GPATCH2L: variants seen among roughly 807,000 people sequenced by gnomAD.
GPATCH2L encodes G patch domain-containing protein 2-like.
GPATCH2L carries 31 observed loss-of-function variants against 57.4 expected under a neutral mutation model. The ratio of observed to expected loss-of-function variants is 0.54; its 90% CI spans 0.41 to 0.73. The LOEUF (loss-of-function observed/expected upper bound fraction) is 0.73, where lower values mean the gene tolerates loss of function less well. Ranked by LOEUF, GPATCH2L falls within the 30% of genes least tolerant of loss-of-function variation. The pLI is 0.00. For missense variants in GPATCH2L, 481 were observed against 599.9 expected, an observed-to-expected ratio of 0.80 and a Z score of 2.07; for synonymous variants, 199 against 210.7, an observed-to-expected ratio of 0.94 and a Z score of 0.48.
At chr14:76,162,205 T>G (rs562118670) in intron 2 of GPATCH2L, among the ~76,000 whole-genome samples, 29 of 152,174 alleles carry the variant, frequency 1.9e-4, no homozygotes, top group Non-Finnish European at 2.9e-4. Context: ...GGCTGAAGGA[T>G]TTGCTTCCAA....
At chr14:76,152,942 T>G in intron 1 of GPATCH2L, 1 of 353,052 alleles carries the variant, frequency 2.8e-6, no homozygotes, top group Non-Finnish European at 5.5e-6. Context: ...TAATCCACTT[T>G]TTTTTTTCCC....
At chr14:76,196,219 G>A (rs2139805566) in intron 9 of GPATCH2L, 2 of 629,700 alleles carry the variant, frequency 3.2e-6, no homozygotes, top group East Asian at 2.7e-5. Context: ...GCAATCTCCA[G>A]TCATCTGAGC....
chr14:76,202,007 C>A lies in GPATCH2L; in HGVS notation c.*156C>A. ...AAACACAGCAGTGGATTCTTTCTCTCAGAAGATCATGTTGTGGGAATCTTT... is the reference window on the plus strand; with the variant it reads ...AAACACAGCAGTGGATTCTTTCTCTAAGAAGATCATGTTGTGGGAATCTTT... On this transcript the variant is annotated 3_prime_UTR_variant, in exon 10 of 10. Transcript: ENST00000261530. The A allele has an allele frequency of 1.7e-6, 1 of 588,110 alleles. No homozygotes were observed. Among genetic ancestry groups the A allele is most frequent in the Non-Finnish European group, 2.9e-6 (1 of 344,432 alleles). 36.4% of individuals were successfully genotyped at this position (588,110 alleles called of 1,614,324 possible).
At chr14:76,197,061 G>A (rs2040176152) in intron 9 of GPATCH2L, among the ~76,000 whole-genome samples, 1 of 152,120 alleles carries the variant, frequency 6.6e-6, no homozygotes, top group Admixed American at 6.6e-5. Context: ...TAAGGTAGAT[G>A]CTGTTTTTAT....
intron 3 of GPATCH2L, among the ~76,000 whole-genome samples, chr14:76,169,946 A>T (rs2039010800): frequency 2.0e-5 from 3 of 152,130 alleles, no homozygotes. Context: ...AGAAATACAC[A>T]TTTTTGGTCT....
downstream of GPATCH2L, among the ~76,000 whole-genome samples, chr14:76,218,273 A>T (rs758150899): frequency 1.8e-4 from 27 of 152,162 alleles, no homozygotes; most frequent in Non-Finnish European, 3.2e-4. Flanking sequence ...AGAAAATTAT[A>T]ATTTTAAGAT....
intron 3 of GPATCH2L, chr14:76,170,537 T>G (rs2039037589): frequency 6.6e-6 from 1 of 152,198 alleles, no homozygotes; most frequent in Admixed American, 6.5e-5. Flanking sequence ...ATGGTATAAC[T>G]TATTGAAAAG....
chr14:76,183,507 CAT>C (rs1249577143), intron 8 of GPATCH2L, among the ~76,000 whole-genome samples: 1 of 152,144 alleles, frequency 6.6e-6, no homozygotes, highest in African/African-American at 2.4e-5. Context: ...TTAAATTATA[CAT>C]ATGTGTCTAG....
rs1310890981 is a variant in GPATCH2L, at chr14:76,209,068, T to A, written c.*7217T>A. The stretch of plus-strand genomic sequence containing the variant: ...TTCACCCACCAGTGACTTCTACTAT[T>A]AAAATTTAGCCCATAGGTTGATTTT... On this transcript the variant is annotated 3_prime_UTR_variant, in exon 10 of 10. Coordinates refer to ENST00000261530, the MANE Select transcript of GPATCH2L (RefSeq NM_017926.4). 1.3e-5 allele frequency: 2 copies of A among 152,268 alleles called. No homozygotes were observed. The highest frequency in any genetic ancestry group is 2.9e-5 in the Non-Finnish European group (2 of 68,080). 9.4% of individuals were successfully genotyped at this position (152,268 alleles called of 1,614,324 possible).
intron 8 of GPATCH2L, among the ~76,000 whole-genome samples, chr14:76,194,504 T>TGTGTGTGTGTGTGTGTGTGTGTGTGC (rs1375603616): frequency 2.0e-5 from 3 of 152,090 alleles, no homozygotes; most frequent in African/African-American, 7.2e-5. Context: ...TGTGTGTGTG[T>TGTGTGTGTGTGTGTGTGTGTGTGTGC]GCACGCTCAT....
chr14:76,192,860 A>T (rs1350445994), intron 8 of GPATCH2L, among the ~76,000 whole-genome samples: 2 of 152,196 alleles, frequency 1.3e-5, no homozygotes, highest in East Asian at 1.9e-4. Flanking sequence ...AACCAGAGGA[A>T]TTTACAAAAT....
chr14:76,192,663 G>A (rs1169873161), intron 8 of GPATCH2L, among the ~76,000 whole-genome samples: 1 of 152,106 alleles, frequency 6.6e-6, no homozygotes, highest in African/African-American at 2.4e-5. Context: ...TATATCCCTA[G>A]TGTTTAGTAC....
intron 4 of GPATCH2L, 138 bp downstream of exon 4, chr14:76,172,157 G>C (rs1016879486): frequency 3.9e-5 from 20 of 506,918 alleles, no homozygotes; most frequent in Admixed American, 1.6e-4. Context: ...GGATTTTCTA[G>C]AGGAGTCAAA....
intron 7 of GPATCH2L, 28 bp downstream of exon 7, chr14:76,178,070 G>A: frequency 6.4e-7 from 1 of 1,557,242 alleles, no homozygotes; most frequent in Non-Finnish European, 8.8e-7. Context: ...TTGTTATTTT[G>A]ATTTTCTTGG....
At chr14:76,163,124 G>A (rs1373805828) in intron 2 of GPATCH2L, among the ~76,000 whole-genome samples, 5 of 152,156 alleles carry the variant, frequency 3.3e-5, no homozygotes, top group East Asian at 3.8e-4. Context: ...TTCAGTGAAC[G>A]CATGGGCTTT....
downstream of GPATCH2L, among the ~76,000 whole-genome samples, chr14:76,218,404 C>G (rs1048260132): frequency 1.3e-5 from 2 of 151,826 alleles, no homozygotes; most frequent in Admixed American, 6.6e-5. Flanking sequence ...ATTTCAAGCT[C>G]TAAGGGAAGA....
rs1199724050 is a variant in GPATCH2L at position 76,202,349 on chromosome 14, A to G, written c.*498A>G. On this transcript the variant is annotated 3_prime_UTR_variant, in exon 10 of 10. Coordinates refer to ENST00000261530, the MANE Select transcript of GPATCH2L (RefSeq NM_017926.4). ...CTTTGAGCCTACTCTTGATTCATGCAGAGTGCCAATAAGATAAATCAACCA... is the reference window on the plus strand; with the variant it reads ...CTTTGAGCCTACTCTTGATTCATGCGGAGTGCCAATAAGATAAATCAACCA... The G allele has an allele frequency of 6.5e-6, 1 of 152,744 alleles. No homozygotes were observed. The highest frequency in any genetic ancestry group is 1.5e-5 in the Non-Finnish European group (1 of 68,108). The allele number at this position is 152,744 out of a possible 1,614,324, so 9.5% of individuals were successfully genotyped here. A position where few individuals can be genotyped will look rare whatever the true frequency, so the allele number is the denominator to read the frequency against.
At chr14:76,157,682 TTC>T (rs1555373722) in intron 2 of GPATCH2L, among the ~76,000 whole-genome samples, 8 of 120,110 alleles carry the variant, frequency 6.7e-5, no homozygotes, top group Middle Eastern at 4.0e-3. Flanking sequence ...CGTTTTTTTT[TTC>T]TAAAGCATGT....
At chr14:76,223,703 A>G (rs920723443) in intron 1 of GPATCH2L, among the ~76,000 whole-genome samples, 3 of 152,238 alleles carry the variant, frequency 2.0e-5, no homozygotes, top group Non-Finnish European at 4.4e-5. Context: ...TCTGATATCC[A>G]GAATATATAA....
Sources: gnomAD v4.1 joint callset for allele counts (sites outside exome capture counted in the v4.1 genomes callset) on GRCh38, gnomAD v4.1.1 for gene constraint, MANE v1.5 for transcripts, NCBI Gene and HGNC (gene_info 2026-07-23, HGNC 2026-07-21) for gene names.